The following OLA1 variants were observed in gnomAD, a reference collection of about 807,000 sequenced individuals.
The protein encoded by OLA1 is Obg like ATPase 1, also known as obg-like ATPase 1.
OLA1 carries 14 observed loss-of-function variants against 48.4 expected under a neutral mutation model. That is an observed-to-expected ratio of 0.29 (90% CI 0.19 to 0.45). OLA1 has a LOEUF of 0.45. Ranked by LOEUF, OLA1 falls within the 20% of genes least tolerant of loss-of-function variation. The pLI, the probability that OLA1 is intolerant of heterozygous loss-of-function variation, is 1.00. For synonymous variants in OLA1, 127 were observed against 150.4 expected (o/e 0.84, Z 1.14); for missense variants, 325 against 467.1 (o/e 0.70, Z 2.80).
At chr2:174,219,227 A>C (rs1688437105) in intron 4 of OLA1, among the ~76,000 whole-genome samples, 1 of 151,076 alleles carries the variant, frequency 6.6e-6, no homozygotes, top group African/African-American at 2.4e-5. Context: ...GGACTGCTTG[A>C]GTCCAGGAGT....
chr2:174,113,997 T>C lies in OLA1; in HGVS notation c.728+9183A>G, dbSNP rs193211262. ...CACATAGCAGGAACTCAACAATAAA[T>C]AATGGTTTGCTATGTATGTCTTTTA... On this transcript the variant is annotated intron_variant, in intron 7 of 10. Transcript: ENST00000284719. Among the ~76,000 whole-genome samples, 111 of 151,880 alleles carry C rather than the reference T, an allele frequency of 7.3e-4. 1 individual carries two copies. The highest frequency in any genetic ancestry group is 2.6e-4 in the Admixed American group (4 of 15,244).
intron 4 of OLA1, among the ~76,000 whole-genome samples, chr2:174,183,299 G>A (rs1213706574): frequency 6.6e-6 from 1 of 152,202 alleles, no homozygotes; most frequent in East Asian, 1.9e-4. Context: ...AGTCAGACTT[G>A]ATAATCCAGC....
At chr2:174,188,278 C>T (rs1415052543) in intron 4 of OLA1, among the ~76,000 whole-genome samples, 1 of 152,030 alleles carries the variant, frequency 6.6e-6, no homozygotes, top group Non-Finnish European at 1.5e-5. Flanking sequence ...CTGGAGCAAA[C>T]ATTTTAAAAA....
At chr2:174,164,503 T>G (rs1392610003) in intron 4 of OLA1, among the ~76,000 whole-genome samples, 1 of 145,414 alleles carries the variant, frequency 6.9e-6, no homozygotes, top group African/African-American at 2.7e-5. Flanking sequence ...TTCATCAGAA[T>G]TATACTGCTC....
At chr2:174,078,616 A>T (rs1684798475) in intron 10 of OLA1, among the ~76,000 whole-genome samples, 1 of 151,968 alleles carries the variant, frequency 6.6e-6, no homozygotes, top group Non-Finnish European at 1.5e-5. Flanking sequence ...TTATAAGCAT[A>T]TATATTATAC....
At chr2:174,167,737 C>T (rs945302366) in intron 4 of OLA1, among the ~76,000 whole-genome samples, 5 of 152,236 alleles carry the variant, frequency 3.3e-5, no homozygotes, top group African/African-American at 1.2e-4. Flanking sequence ...TTAAAATTAA[C>T]TATAAATCAC....
intron 7 of OLA1, among the ~76,000 whole-genome samples, chr2:174,115,612 C>T (rs1163187116): frequency 2.0e-5 from 3 of 151,996 alleles, no homozygotes; most frequent in African/African-American, 7.3e-5. Flanking sequence ...TTTTGATGGC[C>T]CATTATGCTC....
intron 2 of OLA1, among the ~76,000 whole-genome samples, chr2:174,234,601 C>G (rs1033872406): frequency 2.0e-5 from 3 of 152,014 alleles, no homozygotes; most frequent in Non-Finnish European, 4.4e-5. Context: ...GCAGCTGGGA[C>G]TACACGTGCG....
chr2:174,176,457 AT>A (rs1687420780), intron 4 of OLA1, among the ~76,000 whole-genome samples: 1 of 152,204 alleles, frequency 6.6e-6, no homozygotes, highest in Non-Finnish European at 1.5e-5. Context: ...ATTGGAAAAA[AT>A]ATCAATTTAA....
At chr2:174,248,100 A>C in intron 1 of OLA1, 1 of 223,214 alleles carries the variant, frequency 4.5e-6, no homozygotes, top group East Asian at 1.0e-4. Context: ...CCAGGCCTCC[A>C]AAGAACAGAT....
intron 4 of OLA1, among the ~76,000 whole-genome samples, chr2:174,197,516 C>T (rs534203346): frequency 6.6e-6 from 1 of 152,188 alleles, no homozygotes; most frequent in South Asian, 2.1e-4. Context: ...CTCTCCCACC[C>T]CCAACTCCAA....
intron 4 of OLA1, among the ~76,000 whole-genome samples, chr2:174,191,544 T>C (rs1268862295): frequency 6.6e-6 from 1 of 152,066 alleles, no homozygotes; most frequent in Non-Finnish European, 1.5e-5. Context: ...AGCCTTGAAC[T>C]ACTGGGCTGA....
chr2:174,173,377 C>A (rs897709069), intron 4 of OLA1, among the ~76,000 whole-genome samples: 1 of 152,196 alleles, frequency 6.6e-6, no homozygotes, highest in Non-Finnish European at 1.5e-5. Context: ...ATTACCTATA[C>A]GGCGTGAGGT....
chr2:174,134,088 C>A (rs1686245484), intron 5 of OLA1, among the ~76,000 whole-genome samples: 1 of 152,194 alleles, frequency 6.6e-6, no homozygotes. Flanking sequence ...GAGGCTCATG[C>A]ACATTGTAGT....
At chr2:174,092,646 A>G (rs1265831477) in intron 7 of OLA1, among the ~76,000 whole-genome samples, 1 of 152,198 alleles carries the variant, frequency 6.6e-6, no homozygotes, top group Non-Finnish European at 1.5e-5. Context: ...TGGGTGACAG[A>G]GTTAGACTCT....
rs1040865686 is a variant in OLA1 at position 174,208,794 on chromosome 2, T to A, written c.373+14239A>T. ...CAACTTCCACACACACAACTTCTTA[T>A]CTATTCCCTTAGCCAGGTTCTCTTC... On this transcript the variant is annotated intron_variant, in intron 4 of 10. Transcript: ENST00000284719. 2.6e-5 allele frequency among the ~76,000 whole-genome samples: 4 copies of A among 152,334 alleles called. No individual in the cohort carries two copies. The South Asian group carries it at 8.3e-4, about 32-fold the overall frequency.
At chr2:174,214,193 C>A (rs1042431299) in intron 4 of OLA1, among the ~76,000 whole-genome samples, 1 of 151,896 alleles carries the variant, frequency 6.6e-6, no homozygotes, top group Admixed American at 6.6e-5. Context: ...ATTGGCCAGG[C>A]GTGGTGGTGC....
intron 7 of OLA1, among the ~76,000 whole-genome samples, chr2:174,095,347 T>G (rs200571557): frequency 0.017 from 1,994 of 119,550 alleles, 43 homozygotes; most frequent in South Asian, 0.096. Context: ...TTTTTTTTTT[T>G]TTGTTGTTGT....
chr2:174,239,477 G>A (rs1356723586), intron 2 of OLA1, among the ~76,000 whole-genome samples: 1 of 152,062 alleles, frequency 6.6e-6, no homozygotes, highest in Non-Finnish European at 1.5e-5. Flanking sequence ...AACCCCAAAT[G>A]AGAGCTGTAC....
Sources: allele counts gnomAD v4.1 joint callset (sites outside exome capture counted in the v4.1 genomes callset), GRCh38; gene constraint gnomAD v4.1.1; transcripts MANE v1.5; gene names NCBI Gene and HGNC (gene_info 2026-07-23, HGNC 2026-07-21).